Variants in HACD3 observed in about 807,000 individuals in gnomAD.
HACD3 encodes the protein 3-hydroxyacyl-CoA dehydratase 3.
In HACD3, 30 loss-of-function variants were observed where a neutral mutation model predicts 55.2. The ratio of observed to expected loss-of-function variants is 0.54; its 90% CI spans 0.41 to 0.74. HACD3 has a LOEUF of 0.74. HACD3 is among the 30% of genes least tolerant of loss of function. The pLI, the probability that HACD3 is intolerant of heterozygous loss-of-function variation, is 0.00. For synonymous variants in HACD3, 141 were observed against 151.7 expected (o/e 0.93, Z 0.52); for missense variants, 363 against 440.1 (o/e 0.82, Z 1.57).
intron 1 of HACD3, among the ~76,000 whole-genome samples, chr15:65,532,742 AG>A (rs1321501540): frequency 1.1e-4 from 17 of 151,692 alleles, no homozygotes; most frequent in Admixed American, 7.9e-4. Context: ...TGTAGTTTTG[AG>A]GCACCCATAT....
chr15:65,544,710 A>G (rs1054662427), intron 1 of HACD3, among the ~76,000 whole-genome samples: 1 of 152,198 alleles, frequency 6.6e-6, no homozygotes, highest in African/African-American at 2.4e-5. Context: ...AAAATGAAAA[A>G]GGAATGATTG....
intron 1 of HACD3, among the ~76,000 whole-genome samples, chr15:65,531,952 C>T (rs2071905350): frequency 6.6e-6 from 1 of 152,112 alleles, no homozygotes; most frequent in Non-Finnish European, 1.5e-5. Flanking sequence ...CTCCATTTAA[C>T]TCTCTCTGCC....
At chr15:65,568,601 T>C in intron 7 of HACD3, among the ~76,000 whole-genome samples, 1 of 151,832 alleles carries the variant, frequency 6.6e-6, no homozygotes, top group East Asian at 1.9e-4. Context: ...TCAAATGATC[T>C]GCCAGCCTCG....
In HACD3 at chr15:65,537,946, AAAAAAAAAAAAAATATATATATATATAT is replaced by A. The variant is rs1292579460; in HGVS notation, c.87+7230_87+7257del. Among the ~76,000 whole-genome samples, 505 of 53,496 alleles carry A rather than the reference AAAAAAAAAAAAAATATATATATATATAT, an allele frequency of 9.4e-3. 16 individuals carry two copies. The highest frequency in any genetic ancestry group is 0.028 in the African/African-American group (374 of 13,434). 35.1% of individuals were successfully genotyped at this position (53,496 alleles called of 152,430 possible). A position where few individuals can be genotyped will look rare whatever the true frequency, so the allele number is the denominator to read the frequency against. ...GGCCAACTTCTCAGAAAAAAAAAAAAAAAAAAAAAAAAATATATATATATATATATATATATATATATATATATATATA... is the reference window on the plus strand; with the variant it reads ...GGCCAACTTCTCAGAAAAAAAAAAAAATATATATATATATATATATATATA... On this transcript the variant is annotated intron_variant, in intron 1 of 10. Coordinates refer to ENST00000261875, the MANE Select transcript of HACD3 (RefSeq NM_016395.4).
rs1414874307 is a variant in HACD3, at chr15:65,578,248, C to T, written c.*1869C>T. ...TTTGCAGTAGATTATGCTGCATCCTCGTGGCAAAATTCTGTATTCTTAGTG... is the reference window on the plus strand; with the variant it reads ...TTTGCAGTAGATTATGCTGCATCCTTGTGGCAAAATTCTGTATTCTTAGTG... On this transcript the variant is annotated 3_prime_UTR_variant, in exon 11 of 11. Transcript: ENST00000261875. The T allele has an allele frequency of 1.3e-5, 2 of 152,310 alleles. No homozygotes were observed. The highest frequency in any genetic ancestry group is 3.9e-4 in the East Asian group (2 of 5,190). The allele number at this position is 152,310 out of a possible 1,614,324, so 9.4% of individuals were successfully genotyped here.
At chr15:65,560,577 C>A (rs2072234596) in intron 5 of HACD3, among the ~76,000 whole-genome samples, 1 of 151,980 alleles carries the variant, frequency 6.6e-6, no homozygotes. Context: ...GCGGGAGGAT[C>A]TTTTAGGCCA....
At chr15:65,535,746 A>G in intron 1 of HACD3, 1 of 561,204 alleles carries the variant, frequency 1.8e-6, no homozygotes, top group Non-Finnish European at 3.2e-6. Context: ...CCCAGGTTGG[A>G]GTGCAGCAGT....
At chr15:65,546,000 G>T (rs999967774) in intron 1 of HACD3, among the ~76,000 whole-genome samples, 1 of 152,230 alleles carries the variant, frequency 6.6e-6, no homozygotes, top group East Asian at 1.9e-4. Context: ...GAACTGAGCA[G>T]TCCTGTTGCG....
intron 8 of HACD3, among the ~76,000 whole-genome samples, chr15:65,571,215 C>G (rs546996085): frequency 2.0e-5 from 3 of 152,122 alleles, no homozygotes; most frequent in Non-Finnish European, 4.4e-5. Context: ...ACTCACTTAT[C>G]CAGAAATAAA....
intron 1 of HACD3, among the ~76,000 whole-genome samples, chr15:65,542,784 A>T (rs562964709): frequency 4.0e-5 from 6 of 150,418 alleles, no homozygotes; most frequent in South Asian, 2.1e-4. Context: ...AAATTGTCTT[A>T]AAAAAAACAG....
chr15:65,542,386 C>T (rs1216692540), intron 1 of HACD3, among the ~76,000 whole-genome samples: 1 of 152,002 alleles, frequency 6.6e-6, no homozygotes, highest in Non-Finnish European at 1.5e-5. Flanking sequence ...ACCTCAGTCT[C>T]CCAAGTAGCT....
intron 1 of HACD3, among the ~76,000 whole-genome samples, chr15:65,537,945 AAAAAAAAAAAAAAATAT>A (rs2071973306): frequency 2.7e-5 from 1 of 36,476 alleles, no homozygotes; most frequent in African/African-American, 1.1e-4. Context: ...AAAAAAAAAA[AAAAAAAAAAAAAAATAT>A]ATATATATAT....
chr15:65,542,227 CAA>C (rs527287203), intron 1 of HACD3, among the ~76,000 whole-genome samples: 2 of 63,238 alleles, frequency 3.2e-5, no homozygotes, highest in African/African-American at 6.2e-5. Context: ...GACTCCATCT[CAA>C]AAAAAAAAAA....
intron 7 of HACD3, 106 bp from the exon 8 acceptor site, chr15:65,569,985 T>C (rs2072332320): frequency 1.4e-6 from 1 of 715,076 alleles, no homozygotes. Context: ...AGGTCAATCT[T>C]TTCTATTTGC....
intron 1 of HACD3, among the ~76,000 whole-genome samples, chr15:65,548,984 C>T (rs566339211): frequency 6.6e-6 from 1 of 152,318 alleles, no homozygotes; most frequent in African/African-American, 2.4e-5. Context: ...ACTTCAGCCT[C>T]CCCGGTAGCT....
intron 10 of HACD3, among the ~76,000 whole-genome samples, chr15:65,572,928 AAAT>A (rs2072364093): frequency 1.6e-5 from 2 of 125,970 alleles, no homozygotes; most frequent in Non-Finnish European, 3.2e-5. Flanking sequence ...AAAAAAAAAA[AAAT>A]AAATAAATAA....
rs920505237 is a variant in HACD3 at position 65,571,796 on chromosome 15, C to G, written c.880+142C>G. ...GGGATTTCTTTCCATGGGCTTCCTTCCATAATACTCCTGGTACCCAGACTG... is the reference window on the plus strand; with the variant it reads ...GGGATTTCTTTCCATGGGCTTCCTTGCATAATACTCCTGGTACCCAGACTG... On this transcript the variant is annotated intron_variant, in intron 9 of 10. Coordinates refer to ENST00000261875, the MANE Select transcript of HACD3 (RefSeq NM_016395.4). 4 of 674,318 alleles carry G rather than the reference C, an allele frequency of 5.9e-6. No homozygotes were observed. In the African/African-American group the frequency reaches 7.3e-5, roughly 12 times the overall value. 41.8% of individuals were successfully genotyped at this position (674,318 alleles called of 1,614,324 possible).
chr15:65,570,231 G>T, intron 8 of HACD3, 28 bp downstream of exon 8: 1 of 1,463,200 alleles, frequency 6.8e-7, no homozygotes, highest in South Asian at 1.2e-5. Flanking sequence ...GATGGTGTTT[G>T]AATGCTGCTC....
At chr15:65,551,345 C>A (rs1224309576) in intron 1 of HACD3, among the ~76,000 whole-genome samples, 1 of 152,202 alleles carries the variant, frequency 6.6e-6, no homozygotes, top group Non-Finnish European at 1.5e-5. Flanking sequence ...GGGGTTGAGT[C>A]CTGGAGATCT....
Sources: allele counts gnomAD v4.1 joint callset (sites outside exome capture counted in the v4.1 genomes callset), GRCh38; gene constraint gnomAD v4.1.1; transcripts MANE v1.5; gene names NCBI Gene and HGNC (gene_info 2026-07-23, HGNC 2026-07-21).